ANAPC5: variants seen among roughly 807,000 people sequenced by gnomAD.
ANAPC5 encodes anaphase-promoting complex subunit 5.
A neutral mutation model predicts 91.3 loss-of-function variants in ANAPC5; 60 were observed. That is an observed-to-expected ratio of 0.66 (90% CI 0.53 to 0.81). ANAPC5 has a LOEUF of 0.81. Among genes scored for constraint, ANAPC5 ranks in the 40% least tolerant of loss-of-function variants. The pLI is 0.00. For missense variants in ANAPC5, 690 were observed against 931.5 expected (o/e 0.74, Z 3.37); for synonymous variants, 340 against 364.1 (o/e 0.93, Z 0.75).
At position 121,337,182 on chromosome 12, in the gene ANAPC5, C is replaced by T. The variant is rs1181649801; in HGVS notation, c.759+109G>A. 6 of 821,958 alleles carry T rather than the reference C, an allele frequency of 7.3e-6. No homozygotes were observed. The East Asian group carries it at 1.6e-4, about 22-fold the overall frequency. The allele number at this position is 821,958 out of a possible 1,614,324, so 50.9% of individuals were successfully genotyped here. A position where few individuals can be genotyped will look rare whatever the true frequency, so the allele number is the denominator to read the frequency against. ...GCAGTGAGCCAAGGTCGTGCCACTG[C>T]ACTCCAGCCTGGCAACAGAGTAAGA... On this transcript the variant is annotated intron_variant, in intron 6 of 16. Coordinates refer to ENST00000261819, the MANE Select transcript of ANAPC5 (RefSeq NM_016237.5).
intron 11 of ANAPC5, among the ~76,000 whole-genome samples, chr12:121,324,573 T>A (rs1223712468): frequency 6.6e-6 from 1 of 152,116 alleles, no homozygotes; most frequent in Non-Finnish European, 1.5e-5. Flanking sequence ...TTCTAACAAA[T>A]GGCCTTGAAC....
chr12:121,338,730 T>C (rs1364385352), intron 5 of ANAPC5, among the ~76,000 whole-genome samples: 4 of 152,178 alleles, frequency 2.6e-5, no homozygotes, highest in Non-Finnish European at 4.4e-5. Flanking sequence ...ACGCTATTAA[T>C]ACTTTAGTGT....
intron 1 of ANAPC5, 56 bp from the exon 2 acceptor site, chr12:121,347,937 G>A: frequency 8.4e-7 from 1 of 1,194,576 alleles, no homozygotes; most frequent in East Asian, 2.3e-5. Context: ...GACTGATAAA[G>A]AATTGCAAAC....
intron 9 of ANAPC5, among the ~76,000 whole-genome samples, chr12:121,329,407 C>T (rs1384342370): frequency 1.3e-5 from 2 of 152,130 alleles, no homozygotes; most frequent in African/African-American, 2.4e-5. Flanking sequence ...CCGCCTTGGC[C>T]TCCCAAAGTG....
chr12:121,340,468 C>T (rs574493168), intron 5 of ANAPC5, among the ~76,000 whole-genome samples: 1 of 151,936 alleles, frequency 6.6e-6, no homozygotes, highest in Admixed American at 6.6e-5. Context: ...TTTTTCCTTA[C>T]AGTTAACCAA....
chr12:121,308,278 T>G lies in ANAPC5; in HGVS notation c.*202A>C. The G allele has an allele frequency of 1.8e-6, 1 of 549,068 alleles. No individual in the cohort carries two copies. Among genetic ancestry groups the G allele is most frequent in the South Asian group, 2.3e-5 (1 of 43,434 alleles). The allele number at this position is 549,068 out of a possible 1,614,324, so 34.0% of individuals were successfully genotyped here. A position where few individuals can be genotyped will look rare whatever the true frequency, so the allele number is the denominator to read the frequency against. On this transcript the variant is annotated 3_prime_UTR_variant, in exon 17 of 17. Transcript: ENST00000261819. ...AAAATACCCATTTATTAAGAAAAAG[T>G]TGGTGTCCTTTGCTACCAAAAGGGA...
chr12:121,309,985 T>C, intron 15 of ANAPC5, 122 bp from the exon 16 acceptor site: 10 of 923,468 alleles, frequency 1.1e-5, no homozygotes, highest in Non-Finnish European at 1.6e-5. Flanking sequence ...ACCTGACATG[T>C]ACTACGTTAA....
At chr12:121,351,142 G>C in intron 1 of ANAPC5, 2 of 435,870 alleles carry the variant, frequency 4.6e-6, no homozygotes, top group Non-Finnish European at 9.2e-6. Context: ...GAGACCAGAC[G>C]GGAGGATTGC....
intron 6 of ANAPC5, among the ~76,000 whole-genome samples, chr12:121,336,964 A>T (rs1478890210): frequency 6.6e-6 from 1 of 152,202 alleles, no homozygotes; most frequent in South Asian, 2.1e-4. Context: ...TCACGCCTGT[A>T]ATCCCAACAC....
intron 11 of ANAPC5, among the ~76,000 whole-genome samples, chr12:121,321,532 C>CTTT (rs59155973): frequency 3.3e-5 from 4 of 120,440 alleles, no homozygotes; most frequent in African/African-American, 1.3e-4. Flanking sequence ...ATACAAAATC[C>CTTT]TTTTTTTTTT....
At chr12:121,330,330 A>G (rs557082394) in intron 9 of ANAPC5, among the ~76,000 whole-genome samples, 95 of 152,374 alleles carry the variant, frequency 6.2e-4, no homozygotes, top group Middle Eastern at 3.4e-3. Context: ...TCAATAAACT[A>G]AACAATGATC....
intron 4 of ANAPC5, among the ~76,000 whole-genome samples, chr12:121,345,545 A>G (rs1296394050): frequency 6.6e-6 from 1 of 152,060 alleles, no homozygotes; most frequent in Non-Finnish European, 1.5e-5. Context: ...GACCTGACAG[A>G]AGCTGTGACC....
At chr12:121,308,823 G>C in intron 16 of ANAPC5, 132 bp from the exon 17 acceptor site, 1 of 798,632 alleles carries the variant, frequency 1.3e-6, no homozygotes. Context: ...CTTTGAGAGA[G>C]AAAAAACAAA....
Position 121,352,395 on chromosome 12 carries a change from C to T in ANAPC5, c.-55G>A, listed in dbSNP as rs1034486623. 12 of 1,393,382 alleles carry T rather than the reference C, an allele frequency of 8.6e-6. No homozygotes were observed. The East Asian group carries it at 2.8e-4, about 32-fold the overall frequency. The allele number at this position is 1,393,382 out of a possible 1,614,324, so 86.3% of individuals were successfully genotyped here. On this transcript the variant is annotated 5_prime_UTR_variant, in exon 1 of 17. In the 5' UTR this introduces an upstream ATG that the reference lacks. Transcript: ENST00000261819. ...GGCGCGCTGCCGCCAGTTGTCACCA[C>T]AAGGCACAACACTACCGGGTCTACA...
At chr12:121,341,297 C>G (rs1418371490) in intron 5 of ANAPC5, among the ~76,000 whole-genome samples, 1 of 152,152 alleles carries the variant, frequency 6.6e-6, no homozygotes, top group Non-Finnish European at 1.5e-5. Flanking sequence ...TGGTGAAACC[C>G]CATCTCTACT....
In ANAPC5 at chr12:121,337,173, G is replaced by A. The variant is rs1003804910; in HGVS notation, c.759+118C>T. 3.7e-5 allele frequency: 27 copies of A among 735,390 alleles called. No homozygotes were observed. The Middle Eastern group carries it at 9.9e-4, about 27-fold the overall frequency. 45.6% of individuals were successfully genotyped at this position (735,390 alleles called of 1,614,324 possible). A position where few individuals can be genotyped will look rare whatever the true frequency, so the allele number is the denominator to read the frequency against. ...TCGGAGGTTGCAGTGAGCCAAGGTC[G>A]TGCCACTGCACTCCAGCCTGGCAAC... On this transcript the variant is annotated intron_variant, in intron 6 of 16. Transcript: ENST00000261819.
intron 1 of ANAPC5, among the ~76,000 whole-genome samples, chr12:121,350,538 G>A (rs1555275193): frequency 6.6e-6 from 1 of 152,148 alleles, no homozygotes; most frequent in Non-Finnish European, 1.5e-5. Context: ...AAAATTAGCC[G>A]GGCGTGGTGG....
chr12:121,311,703 C>T (rs1902172716), intron 15 of ANAPC5, among the ~76,000 whole-genome samples: 1 of 152,050 alleles, frequency 6.6e-6, no homozygotes, highest in Non-Finnish European at 1.5e-5. Flanking sequence ...TATGGTAAGG[C>T]ACACCAGTAA....
intron 13 of ANAPC5, among the ~76,000 whole-genome samples, chr12:121,319,476 C>T (rs921079044): frequency 2.6e-5 from 4 of 152,002 alleles, no homozygotes; most frequent in African/African-American, 4.8e-5. Flanking sequence ...TCAAGTGATG[C>T]GCCCGCCTCA....
Sources: gnomAD v4.1 joint callset for allele counts (sites outside exome capture counted in the v4.1 genomes callset) on GRCh38, gnomAD v4.1.1 for gene constraint, MANE v1.5 for transcripts, NCBI Gene and HGNC (gene_info 2026-07-23, HGNC 2026-07-21) for gene names.